NCAM1: variants seen among roughly 807,000 people sequenced by gnomAD.
The protein encoded by NCAM1 is neural cell adhesion molecule 1, also known as antigen recognized by monoclonal antibody 5.1H11.
NCAM1 carries 14 observed loss-of-function variants against 109.8 expected under a neutral mutation model. That is an observed-to-expected ratio of 0.13 (90% CI 0.08 to 0.20). The LOEUF is 0.20. Ranked by LOEUF, NCAM1 falls within the 10% of genes least tolerant of loss-of-function variation. The probability of loss-of-function intolerance (pLI) is 1.00; values close to 1 mark genes in which losing one functional copy is unlikely to be tolerated. For missense variants in NCAM1, 774 were observed against 1,109.9 expected (o/e 0.70, Z 4.30); for synonymous variants, 418 against 442.9 (o/e 0.94, Z 0.70).
intron 1 of NCAM1, among the ~76,000 whole-genome samples, chr11:113,122,060 A>G (rs1375688441): frequency 6.6e-6 from 1 of 152,104 alleles, no homozygotes; most frequent in Non-Finnish European, 1.5e-5. Flanking sequence ...AATCTAGTCT[A>G]TTTCAGTCTA....
chr11:113,132,963 T>C (rs1555098670), intron 1 of NCAM1: 1 of 152,202 alleles, frequency 6.6e-6, no homozygotes, highest in Non-Finnish European at 1.5e-5. Flanking sequence ...GCCAGTGCCA[T>C]GGTTGTATGT....
At chr11:113,199,645 A>C (rs1413975064) in intron 1 of NCAM1, among the ~76,000 whole-genome samples, 1 of 142,618 alleles carries the variant, frequency 7.0e-6, no homozygotes, top group South Asian at 2.4e-4. Context: ...GGGTGGGGGG[A>C]CGGGGGAGGG....
chr11:113,062,196 G>A (rs1277433774), intron 1 of NCAM1, among the ~76,000 whole-genome samples: 2 of 152,188 alleles, frequency 1.3e-5, no homozygotes, highest in Admixed American at 1.3e-4. Context: ...TGTAGTTCCA[G>A]AACATTTTCA....
At chr11:113,014,440 C>T (rs1952156463) in intron 1 of NCAM1, among the ~76,000 whole-genome samples, 1 of 152,154 alleles carries the variant, frequency 6.6e-6, no homozygotes, top group African/African-American at 2.4e-5. Flanking sequence ...TCCCATAGGG[C>T]TCATTCCCGT....
intron 1 of NCAM1, among the ~76,000 whole-genome samples, chr11:113,037,078 T>C (rs1197354692): frequency 1.3e-5 from 2 of 152,186 alleles, no homozygotes; most frequent in African/African-American, 4.8e-5. Context: ...AGTCTTTATA[T>C]CTGAGTTTTT....
At chr11:113,270,743 TGCTTTCGTAC>T (rs1946248225) in intron 18 of NCAM1, among the ~76,000 whole-genome samples, 1 of 152,160 alleles carries the variant, frequency 6.6e-6, no homozygotes, top group Non-Finnish European at 1.5e-5. Context: ...ACACTTACCT[TGCTTTCGTAC>T]ATTGTTTATT....
At position 113,259,969 on chromosome 11, in the gene NCAM1, G is replaced by A. The variant is rs1945941930; in HGVS notation, c.1954-177G>A. On this transcript the variant is annotated intron_variant, in intron 16 of 19. Coordinates refer to ENST00000316851, the MANE Select transcript of NCAM1 (RefSeq NM_181351.5). ...TCCACCCGCCTCGGCCTCCCAAGGT[G>A]GCTAGGATTATAGGCATGAGCCACC... is the stretch of plus-strand genomic sequence containing the variant. The A allele has an allele frequency of 2.6e-5, 14 of 537,840 alleles. 2 individuals are homozygous for A. In the South Asian group the frequency reaches 3.5e-4, roughly 14 times the overall value. The allele number at this position is 537,840 out of a possible 1,614,324, so 33.3% of individuals were successfully genotyped here.
chr11:113,239,265 C>CA (rs1445576133), intron 14 of NCAM1, among the ~76,000 whole-genome samples: 1 of 152,110 alleles, frequency 6.6e-6, no homozygotes, highest in Non-Finnish European at 1.5e-5. Context: ...TTTTTTAAGC[C>CA]AAATGTCTGC....
chr11:113,159,780 T>A (rs562548690), intron 1 of NCAM1, among the ~76,000 whole-genome samples: 1 of 152,020 alleles, frequency 6.6e-6, no homozygotes, highest in East Asian at 1.9e-4. Flanking sequence ...TATGTATACG[T>A]GTGCCATGTT....
chr11:113,223,480 G>T (rs782415374), intron 9 of NCAM1, among the ~76,000 whole-genome samples: 1 of 151,870 alleles, frequency 6.6e-6, no homozygotes. Context: ...GGCTGTTCAC[G>T]CAACTGTTTT....
intron 1 of NCAM1, among the ~76,000 whole-genome samples, chr11:113,051,555 TG>T (rs1423026529): frequency 5.3e-5 from 8 of 152,296 alleles, no homozygotes; most frequent in Non-Finnish European, 7.4e-5. Context: ...ATTAACATTT[TG>T]GTGTCTATCC....
chr11:113,190,739 T>C (rs1269816952), intron 1 of NCAM1, among the ~76,000 whole-genome samples: 1 of 152,202 alleles, frequency 6.6e-6, no homozygotes, highest in East Asian at 1.9e-4. Flanking sequence ...TTCAAAATTT[T>C]GTATAACTTA....
intron 14 of NCAM1, among the ~76,000 whole-genome samples, chr11:113,237,323 C>T (rs1322033124): frequency 6.6e-6 from 1 of 152,176 alleles, no homozygotes; most frequent in Non-Finnish European, 1.5e-5. Context: ...AAAAAGGCTC[C>T]CAGCTCCTGA....
chr11:113,041,664 T>A (rs1555080010), intron 1 of NCAM1, among the ~76,000 whole-genome samples: 1 of 147,428 alleles, frequency 6.8e-6, no homozygotes, highest in East Asian at 2.1e-4. Context: ...TCTTGTCATG[T>A]AATTTTATTG....
intron 14 of NCAM1, among the ~76,000 whole-genome samples, chr11:113,241,894 C>G (rs1158709296): frequency 6.6e-6 from 1 of 152,206 alleles, no homozygotes; most frequent in Non-Finnish European, 1.5e-5. Context: ...GGAGGTGACT[C>G]AAGCCTCAAG....
At chr11:112,971,072 G>A (rs782066111) in intron 1 of NCAM1, among the ~76,000 whole-genome samples, 2 of 152,006 alleles carry the variant, frequency 1.3e-5, no homozygotes, top group Non-Finnish European at 2.9e-5. Context: ...TTCAAACTAT[G>A]GATGATGAAA....
At chr11:113,165,835 T>G (rs1942776169) in intron 1 of NCAM1, among the ~76,000 whole-genome samples, 1 of 146,790 alleles carries the variant, frequency 6.8e-6, no homozygotes, top group Non-Finnish European at 1.5e-5. Context: ...TTTTTTGAAA[T>G]GGAGTCTCGC....
chr11:113,050,969 C>A (rs1953465072), intron 1 of NCAM1, among the ~76,000 whole-genome samples: 1 of 152,250 alleles, frequency 6.6e-6, no homozygotes, highest in African/African-American at 2.4e-5. Flanking sequence ...TTTGGTTCTT[C>A]TTTATTCTAT....
chr11:113,170,133 C>T (rs7129539), intron 1 of NCAM1, among the ~76,000 whole-genome samples: 9,660 of 152,104 alleles, frequency 0.064, 628 homozygotes, highest in African/African-American at 0.16. Flanking sequence ...CTCATAGCAG[C>T]CTGAAACCAA....
Sources: gnomAD v4.1 joint callset for allele counts (sites outside exome capture counted in the v4.1 genomes callset) on GRCh38, gnomAD v4.1.1 for gene constraint, MANE v1.5 for transcripts, NCBI Gene and HGNC (gene_info 2026-07-23, HGNC 2026-07-21) for gene names.